PUS7: variants seen among roughly 807,000 people sequenced by gnomAD.
The protein encoded by PUS7 is pseudouridine synthase 7.
Under a neutral mutation model 79.8 loss-of-function variants are expected in PUS7, and 48 were observed. The ratio of observed to expected loss-of-function variants is 0.60; its 90% CI spans 0.48 to 0.76. The LOEUF (loss-of-function observed/expected upper bound fraction) is 0.76, where lower values mean the gene tolerates loss of function less well. PUS7 is among the 30% of genes least tolerant of loss of function. The pLI is 0.00. For synonymous variants in PUS7, 286 were observed against 272.2 expected (o/e 1.05, Z -0.50); for missense variants, 729 against 797.6 (o/e 0.91, Z 1.04).
At chr7:105,485,629 T>C (rs1824513549) in intron 7 of PUS7, among the ~76,000 whole-genome samples, 1 of 152,266 alleles carries the variant, frequency 6.6e-6, no homozygotes, top group Non-Finnish European at 1.5e-5. Context: ...AGATGGTTAC[T>C]CAGTTATCCA....
intron 7 of PUS7, among the ~76,000 whole-genome samples, chr7:105,489,041 A>C (rs1824670682): frequency 6.6e-6 from 1 of 150,948 alleles, no homozygotes; most frequent in Admixed American, 6.6e-5. Flanking sequence ...CCAGCTACTC[A>C]GGACGCTGAG....
At chr7:105,463,615 A>G (rs1333611286) in intron 13 of PUS7, among the ~76,000 whole-genome samples, 1 of 150,212 alleles carries the variant, frequency 6.7e-6, no homozygotes, top group African/African-American at 2.4e-5. Context: ...GGGAATTTAC[A>G]TTTATTCCTA....
chr7:105,475,204 G>C lies in PUS7; in HGVS notation c.1176-3011C>G, dbSNP rs568272772. Among the ~76,000 whole-genome samples the C allele has an allele frequency of 2.2e-4, 32 of 148,640 alleles. No homozygotes were observed. The South Asian group carries it at 5.9e-3, about 27-fold the overall frequency. On this transcript the variant is annotated intron_variant, in intron 9 of 15. Transcript: ENST00000469408. ...TAAGATGTTTTGTACTTTTTTTTTT[G>C]AGATGGAGTCTCGCTCTGTCACCCA...
chr7:105,484,362 C>A (rs1012472767), intron 7 of PUS7, among the ~76,000 whole-genome samples: 3 of 152,088 alleles, frequency 2.0e-5, no homozygotes, highest in Non-Finnish European at 4.4e-5. Flanking sequence ...CGCCTGTAAT[C>A]CCAGTACTTT....
chr7:105,519,412 G>C (rs1178242239), intron 1 of PUS7, among the ~76,000 whole-genome samples: 1 of 152,016 alleles, frequency 6.6e-6, no homozygotes, highest in Non-Finnish European at 1.5e-5. Context: ...GCTAATTTTT[G>C]TATTTTTAGT....
At position 105,458,549 on chromosome 7, in the gene PUS7, G is replaced by A. The variant is rs552540046; in HGVS notation, c.1849+619C>T. Among the ~76,000 whole-genome samples the A allele has an allele frequency of 6.0e-5, 9 of 150,062 alleles. No homozygotes were observed. In the South Asian group the frequency reaches 1.7e-3, roughly 28 times the overall value. ...CCCAAACTGCTGGGATTACAGGTGT[G>A]AGCCACCACGCCCAGCCACCAATTT... is the stretch of plus-strand genomic sequence containing the variant. On this transcript the variant is annotated intron_variant, in intron 15 of 15. Coordinates refer to ENST00000469408, the MANE Select transcript of PUS7 (RefSeq NM_019042.5).
chr7:105,498,577 A>C (rs1189210165), intron 5 of PUS7, among the ~76,000 whole-genome samples: 1 of 152,220 alleles, frequency 6.6e-6, no homozygotes, highest in Non-Finnish European at 1.5e-5. Context: ...CCATGAATAA[A>C]GAAGGAAAAA....
At chr7:105,518,935 A>G (rs989279241) in intron 1 of PUS7, among the ~76,000 whole-genome samples, 2 of 150,668 alleles carry the variant, frequency 1.3e-5, no homozygotes, top group African/African-American at 4.9e-5. Flanking sequence ...CACCAGGCTA[A>G]TTTTTTGTAT....
intron 14 of PUS7, among the ~76,000 whole-genome samples, chr7:105,460,160 G>A (rs904804784): frequency 1.3e-5 from 2 of 151,920 alleles, no homozygotes; most frequent in African/African-American, 2.4e-5. Context: ...GGATGGTCTC[G>A]ATCTCCTGAG....
At chr7:105,496,568 G>A (rs1825045270) in intron 5 of PUS7, among the ~76,000 whole-genome samples, 1 of 152,088 alleles carries the variant, frequency 6.6e-6, no homozygotes, top group Non-Finnish European at 1.5e-5. Flanking sequence ...TTAAGATACT[G>A]CTGGTACCGA....
chr7:105,505,144 G>A (rs1395192405), intron 4 of PUS7, among the ~76,000 whole-genome samples: 6 of 151,676 alleles, frequency 4.0e-5, no homozygotes, highest in African/African-American at 1.5e-4. Context: ...GGGACTACAG[G>A]CCTGCGCTAC....
chr7:105,481,282 T>A, intron 8 of PUS7, 105 bp from the exon 9 acceptor site: 1 of 878,460 alleles, frequency 1.1e-6, no homozygotes, highest in Non-Finnish European at 1.6e-6. Flanking sequence ...TCGTTCACTC[T>A]CCTGCAGCTT....
intron 1 of PUS7, among the ~76,000 whole-genome samples, chr7:105,517,609 T>C (rs373488589): frequency 2.2e-4 from 34 of 152,298 alleles, no homozygotes; most frequent in African/African-American, 7.9e-4. Context: ...CCAACTAAGC[T>C]TTAAGAAGTA....
chr7:105,489,565 C>T (rs1317551724), intron 7 of PUS7, among the ~76,000 whole-genome samples: 1 of 152,148 alleles, frequency 6.6e-6, no homozygotes, highest in African/African-American at 2.4e-5. Context: ...TTTACTCCTG[C>T]TCTCTTTCAA....
At chr7:105,514,860 C>T (rs537921855) in intron 1 of PUS7, among the ~76,000 whole-genome samples, 2 of 150,986 alleles carry the variant, frequency 1.3e-5, no homozygotes, top group African/African-American at 2.4e-5. Flanking sequence ...GGCGCAATCT[C>T]GGCTCACTGC....
intron 13 of PUS7, among the ~76,000 whole-genome samples, chr7:105,464,737 T>C (rs1384505085): frequency 2.0e-5 from 3 of 152,062 alleles, no homozygotes; most frequent in Non-Finnish European, 4.4e-5. Context: ...GTTCTCCCAT[T>C]TGCAGATGGC....
intron 6 of PUS7, among the ~76,000 whole-genome samples, 155 bp downstream of exon 6, chr7:105,494,987 A>AG (rs1382528017): frequency 6.6e-6 from 1 of 151,424 alleles, no homozygotes; most frequent in East Asian, 1.9e-4. Flanking sequence ...AAAAAAAAAA[A>AG]AAAAAGAAAG....
intron 7 of PUS7, among the ~76,000 whole-genome samples, chr7:105,484,308 C>A (rs1824451620): frequency 6.6e-6 from 1 of 151,974 alleles, no homozygotes; most frequent in Admixed American, 6.6e-5. Context: ...TGTTGGCATT[C>A]TTCTGTAAAT....
At chr7:105,495,035 A>T in intron 6 of PUS7, 107 bp downstream of exon 6, 1 of 591,670 alleles carries the variant, frequency 1.7e-6, no homozygotes, top group Non-Finnish European at 3.0e-6. Flanking sequence ...AGGAGCATTT[A>T]CTATCTGTAA....
Sources: allele counts gnomAD v4.1 joint callset (sites outside exome capture counted in the v4.1 genomes callset), GRCh38; gene constraint gnomAD v4.1.1; transcripts MANE v1.5; gene names NCBI Gene and HGNC (gene_info 2026-07-23, HGNC 2026-07-21).